Variants in CHCHD3 observed in about 807,000 individuals in gnomAD.
CHCHD3 encodes the protein MICOS complex subunit MIC19.
CHCHD3 carries 20 observed loss-of-function variants against 38.2 expected under a neutral mutation model. The ratio of observed to expected loss-of-function variants is 0.52; its 90% CI spans 0.37 to 0.76. The LOEUF is 0.76. Ranked by LOEUF, CHCHD3 falls within the 30% of genes least tolerant of loss-of-function variation. The probability of loss-of-function intolerance (pLI) is 0.00; values close to 1 mark genes in which losing one functional copy is unlikely to be tolerated. For missense variants in CHCHD3, 245 were observed against 279.2 expected, an observed-to-expected ratio of 0.88 and a Z score of 0.87; for synonymous variants, 82 against 100.0, an observed-to-expected ratio of 0.82 and a Z score of 1.07.
At chr7:133,031,572 T>C (rs78749406) in intron 2 of CHCHD3, among the ~76,000 whole-genome samples, 6,270 of 152,260 alleles carry the variant, frequency 0.041, 197 homozygotes, top group Middle Eastern at 0.062. Flanking sequence ...TCTCTTTAAG[T>C]TGCTTAATAA....
intron 4 of CHCHD3, among the ~76,000 whole-genome samples, chr7:132,934,946 T>C (rs1246310998): frequency 1.3e-5 from 2 of 152,228 alleles, no homozygotes; most frequent in African/African-American, 4.8e-5. Context: ...AATATTTTTG[T>C]ACTTCAGTTT....
intron 5 of CHCHD3, among the ~76,000 whole-genome samples, chr7:132,883,035 G>A (rs1012085140): frequency 1.6e-4 from 21 of 132,986 alleles, no homozygotes; most frequent in Non-Finnish European, 3.0e-4. Flanking sequence ...TCCCCTGCAC[G>A]CTCTCTCTCT....
chr7:132,997,212 G>T (rs1181085908), intron 3 of CHCHD3, among the ~76,000 whole-genome samples: 34 of 152,042 alleles, frequency 2.2e-4, no homozygotes, highest in African/African-American at 7.7e-4. Context: ...TGAAAGAACG[G>T]CTGTAGGTGT....
At chr7:132,992,029 G>C (rs1023413975) in intron 3 of CHCHD3, among the ~76,000 whole-genome samples, 1 of 152,112 alleles carries the variant, frequency 6.6e-6, no homozygotes, top group Non-Finnish European at 1.5e-5. Context: ...TGGAGCTGGC[G>C]GGGAAGGCAA....
chr7:133,003,879 A>T (rs2117395773), intron 3 of CHCHD3, among the ~76,000 whole-genome samples: 1 of 152,342 alleles, frequency 6.6e-6, no homozygotes, highest in Admixed American at 6.5e-5. Flanking sequence ...AACCCTTTTT[A>T]AAACTTCAAA....
intron 5 of CHCHD3, among the ~76,000 whole-genome samples, chr7:132,872,589 G>T (rs6952177): frequency 6.6e-6 from 1 of 151,968 alleles, no homozygotes. Context: ...TAGCCTATAC[G>T]CTATAGCCGT....
intron 4 of CHCHD3, among the ~76,000 whole-genome samples, chr7:132,971,702 C>A (rs1289835215): frequency 6.6e-6 from 1 of 152,198 alleles, no homozygotes; most frequent in African/African-American, 2.4e-5. Context: ...CTTTCACCCT[C>A]GCTCTCCTGA....
intron 4 of CHCHD3, among the ~76,000 whole-genome samples, chr7:132,904,542 T>C (rs1229414807): frequency 6.6e-6 from 1 of 152,190 alleles, no homozygotes; most frequent in Non-Finnish European, 1.5e-5. Flanking sequence ...CACAATGAGA[T>C]ACCATCTCAC....
intron 1 of CHCHD3, among the ~76,000 whole-genome samples, chr7:133,074,467 G>A (rs995148588): frequency 2.6e-5 from 4 of 152,066 alleles, no homozygotes; most frequent in African/African-American, 9.7e-5. Flanking sequence ...AAACCCATCT[G>A]AGAAACTGAG....
intron 3 of CHCHD3, among the ~76,000 whole-genome samples, chr7:132,978,744 A>G (rs1365996027): frequency 6.6e-6 from 1 of 152,170 alleles, no homozygotes; most frequent in Non-Finnish European, 1.5e-5. Flanking sequence ...AGGTGCCACA[A>G]CAGTCCAGAG....
At chr7:132,987,793 G>A (rs1356533176) in intron 3 of CHCHD3, among the ~76,000 whole-genome samples, 2 of 152,010 alleles carry the variant, frequency 1.3e-5, no homozygotes, top group Non-Finnish European at 2.9e-5. Flanking sequence ...GAAATTATAA[G>A]GCATTTCCAT....
chr7:132,894,551 A>T (rs1048383408), intron 4 of CHCHD3, among the ~76,000 whole-genome samples: 1 of 152,230 alleles, frequency 6.6e-6, no homozygotes, highest in African/African-American at 2.4e-5. Context: ...CTTGTATGAT[A>T]CATGCTTACT....
chr7:132,901,275 T>G lies in CHCHD3; in HGVS notation c.370-15530A>C, dbSNP rs145632207. The stretch of plus-strand genomic sequence containing the variant: ...CAAATGATAACCTGAGGCCTAAACA[T>G]GGTAAAAAGGGAAAGAAGTCTTAGA... On this transcript the variant is annotated intron_variant, in intron 4 of 7. Coordinates refer to ENST00000262570, the MANE Select transcript of CHCHD3 (RefSeq NM_017812.4). 6.6e-3 allele frequency among the ~76,000 whole-genome samples: 1,001 copies of G among 152,102 alleles called. 11 individuals carry two copies. Among genetic ancestry groups the G allele is most frequent in the African/African-American group, 0.022 (929 of 41,472 alleles).
intron 4 of CHCHD3, among the ~76,000 whole-genome samples, chr7:132,915,771 A>T (rs1241285273): frequency 7.9e-5 from 12 of 152,100 alleles, no homozygotes; most frequent in Admixed American, 7.2e-4. Flanking sequence ...CTGACTTAGC[A>T]GATACATTCT....
intron 5 of CHCHD3, among the ~76,000 whole-genome samples, chr7:132,857,748 G>C (rs1489633874): frequency 6.6e-6 from 1 of 152,104 alleles, no homozygotes; most frequent in Non-Finnish European, 1.5e-5. Flanking sequence ...TGGATGGGAG[G>C]GGGCACTTCC....
intron 3 of CHCHD3, among the ~76,000 whole-genome samples, chr7:132,984,093 C>T (rs551416833): frequency 1.6e-4 from 24 of 150,654 alleles, no homozygotes; most frequent in Admixed American, 6.6e-4. Flanking sequence ...TCTCTTTCCA[C>T]GGTCTCCCCC....
chr7:132,850,506 T>C (rs993843910), intron 5 of CHCHD3, among the ~76,000 whole-genome samples: 22 of 151,536 alleles, frequency 1.5e-4, no homozygotes, highest in African/African-American at 3.6e-4. Flanking sequence ...CCTAGATTCA[T>C]TGACAGCCCT....
At chr7:133,000,577 T>C (rs998818822) in intron 3 of CHCHD3, among the ~76,000 whole-genome samples, 3 of 152,168 alleles carry the variant, frequency 2.0e-5, no homozygotes, top group African/African-American at 4.8e-5. Flanking sequence ...TTTTCACTTA[T>C]GTGATGTTGT....
intron 3 of CHCHD3, among the ~76,000 whole-genome samples, chr7:133,024,019 T>C (rs914984491): frequency 1.3e-5 from 2 of 152,210 alleles, no homozygotes; most frequent in Non-Finnish European, 2.9e-5. Flanking sequence ...AGCAATAAAA[T>C]GTTAAAAAGT....
Sources: gnomAD v4.1 joint callset for allele counts (sites outside exome capture counted in the v4.1 genomes callset) on GRCh38, gnomAD v4.1.1 for gene constraint, MANE v1.5 for transcripts, NCBI Gene and HGNC (gene_info 2026-07-23, HGNC 2026-07-21) for gene names.